Variants in POU6F2 observed in about 807,000 individuals in gnomAD.
The protein encoded by POU6F2 is POU domain, class 6, transcription factor 2.
Under a neutral mutation model 71.3 loss-of-function variants are expected in POU6F2, and 31 were observed. The ratio of observed to expected loss-of-function variants is 0.43; its 90% CI spans 0.33 to 0.59. The LOEUF is 0.59. POU6F2 is among the 20% of genes least tolerant of loss of function. The probability of loss-of-function intolerance (pLI) is 0.04; values close to 1 mark genes in which losing one functional copy is unlikely to be tolerated. For synonymous variants in POU6F2, 347 were observed against 355.7 expected, an observed-to-expected ratio of 0.98 and a Z score of 0.27; for missense variants, 783 against 856.8, an observed-to-expected ratio of 0.91 and a Z score of 1.07.
intron 4 of POU6F2, among the ~76,000 whole-genome samples, chr7:39,245,886 C>T (rs1411362503): frequency 6.6e-6 from 1 of 152,112 alleles, no homozygotes; most frequent in Non-Finnish European, 1.5e-5. Context: ...ACCCTTTTTC[C>T]ACAAGCATAG....
chr7:39,000,698 T>G lies in POU6F2; in HGVS notation c.105+22640T>G, dbSNP rs914521324. Among the ~76,000 whole-genome samples, 8 of 152,206 alleles carry G rather than the reference T, an allele frequency of 5.3e-5. No homozygotes were observed. In the South Asian group the frequency reaches 1.7e-3, roughly 31 times the overall value. ...ATTTGTTGAAATGGAACAAAAACAC[T>G]CTGACATTTTGTTTATAGAGTATCT... On this transcript the variant is annotated intron_variant, in intron 1 of 9. Transcript: ENST00000518318.
chr7:39,015,072 T>C (rs1219324316), intron 1 of POU6F2, among the ~76,000 whole-genome samples: 1 of 151,756 alleles, frequency 6.6e-6, no homozygotes, highest in Admixed American at 6.6e-5. Context: ...TTAAAAAAAT[T>C]ATGTCAGTAA....
chr7:39,425,455 A>G (rs1787947124), intron 6 of POU6F2, among the ~76,000 whole-genome samples: 1 of 152,114 alleles, frequency 6.6e-6, no homozygotes, highest in African/African-American at 2.4e-5. Context: ...CTTTTTTTAG[A>G]TATCATAACT....
chr7:39,468,303 G>C lies in POU6F2; in HGVS notation c.*3617G>C, dbSNP rs767291448. 6.6e-6 allele frequency: 1 copy of C among 152,094 alleles called. No homozygotes were observed. Among genetic ancestry groups the C allele is most frequent in the African/African-American group, 2.4e-5 (1 of 41,420 alleles). 9.4% of individuals were successfully genotyped at this position (152,094 alleles called of 1,614,324 possible). On this transcript the variant is annotated 3_prime_UTR_variant, in exon 10 of 10. Transcript: ENST00000518318. ...CGTGCCCGGAGCAGGCAGCAGGAGG[G>C]AGGGCAGGAAACAGGACTGGGTTGC... is the stretch of plus-strand genomic sequence containing the variant.
chr7:39,001,091 C>T (rs942767997), intron 1 of POU6F2, among the ~76,000 whole-genome samples: 2 of 152,116 alleles, frequency 1.3e-5, no homozygotes, highest in Non-Finnish European at 2.9e-5. Context: ...TAGTTCCTTA[C>T]CTTTTAACCT....
intron 7 of POU6F2, 81 bp from the exon 8 acceptor site, chr7:39,451,452 C>A: frequency 7.3e-7 from 1 of 1,361,922 alleles, no homozygotes; most frequent in Non-Finnish European, 1.0e-6. Context: ...TGATTCACTC[C>A]CAGATAAAAC....
At chr7:39,393,772 T>C (rs1330608652) in intron 5 of POU6F2, among the ~76,000 whole-genome samples, 1 of 152,176 alleles carries the variant, frequency 6.6e-6, no homozygotes, top group East Asian at 1.9e-4. Context: ...TACATAATAA[T>C]AAAATTCAGT....
At chr7:39,271,980 GGTGT>G (rs1366407932) in intron 4 of POU6F2, among the ~76,000 whole-genome samples, 2 of 151,886 alleles carry the variant, frequency 1.3e-5, no homozygotes, top group South Asian at 4.2e-4. Flanking sequence ...GAGGAGTTGG[GGTGT>G]GTGTGTGGGG....
chr7:39,030,333 C>G (rs1381143065), intron 1 of POU6F2, among the ~76,000 whole-genome samples: 2 of 150,766 alleles, frequency 1.3e-5, no homozygotes, highest in Non-Finnish European at 3.0e-5. Flanking sequence ...TTTATCTTTT[C>G]AGTATCTGTT....
At chr7:39,414,918 G>A (rs1171006720) in intron 6 of POU6F2, among the ~76,000 whole-genome samples, 1 of 152,144 alleles carries the variant, frequency 6.6e-6, no homozygotes, top group Non-Finnish European at 1.5e-5. Flanking sequence ...TCTGAAGATT[G>A]AGCTAGAGAG....
intron 4 of POU6F2, among the ~76,000 whole-genome samples, chr7:39,263,673 GCACACA>G (rs78436988): frequency 2.0e-5 from 3 of 149,556 alleles, no homozygotes. Context: ...GCACACACAC[GCACACA>G]CACACACACA....
intron 1 of POU6F2, among the ~76,000 whole-genome samples, chr7:39,065,519 T>TTG (rs1365227103): frequency 2.0e-5 from 3 of 151,460 alleles, no homozygotes; most frequent in Non-Finnish European, 4.4e-5. Context: ...AAGTTGATAA[T>TTG]TGTAACAGGT....
chr7:39,393,897 G>A (rs2115843919), intron 5 of POU6F2, among the ~76,000 whole-genome samples: 1 of 152,362 alleles, frequency 6.6e-6, no homozygotes, highest in African/African-American at 2.4e-5. Flanking sequence ...ATGGAAGGAA[G>A]AGGAGGCATA....
chr7:39,275,206 C>CAGGAT (rs1784413773), intron 4 of POU6F2, among the ~76,000 whole-genome samples: 1 of 152,192 alleles, frequency 6.6e-6, no homozygotes, highest in Non-Finnish European at 1.5e-5. Flanking sequence ...AGCAAAGTCT[C>CAGGAT]AGGATACAAA....
chr7:39,367,716 GTTT>G (rs1786530645), intron 5 of POU6F2, among the ~76,000 whole-genome samples: 1 of 152,044 alleles, frequency 6.6e-6, no homozygotes, highest in African/African-American at 2.4e-5. Flanking sequence ...CAAATTGAAG[GTTT>G]GTGGCAACCC....
intron 4 of POU6F2, among the ~76,000 whole-genome samples, chr7:39,305,148 T>A (rs1158134840): frequency 6.6e-6 from 1 of 152,270 alleles, no homozygotes; most frequent in East Asian, 1.9e-4. Flanking sequence ...GTTGGACATC[T>A]AGTGCTGAGA....
chr7:39,045,726 T>A (rs188603995), intron 1 of POU6F2, among the ~76,000 whole-genome samples: 33 of 152,022 alleles, frequency 2.2e-4, no homozygotes, highest in Non-Finnish European at 2.9e-5. Flanking sequence ...CAGTCTCCAC[T>A]CCTACCCCTA....
chr7:39,436,250 C>G (rs2116046792), intron 7 of POU6F2, among the ~76,000 whole-genome samples: 1 of 152,214 alleles, frequency 6.6e-6, no homozygotes, highest in African/African-American at 2.4e-5. Context: ...TCTTCCTATC[C>G]AAAAGGATGG....
At chr7:39,292,646 G>C (rs1262648393) in intron 4 of POU6F2, among the ~76,000 whole-genome samples, 1 of 152,198 alleles carries the variant, frequency 6.6e-6, no homozygotes, top group Non-Finnish European at 1.5e-5. Context: ...GTCAGCAAGA[G>C]CAACTTTATG....
Sources: gnomAD v4.1 joint callset for allele counts (sites outside exome capture counted in the v4.1 genomes callset) on GRCh38, gnomAD v4.1.1 for gene constraint, MANE v1.5 for transcripts, NCBI Gene and HGNC (gene_info 2026-07-23, HGNC 2026-07-21) for gene names.